The following TSHZ2 variants were observed in gnomAD, a reference collection of about 807,000 sequenced individuals.
TSHZ2 encodes teashirt zinc finger homeobox 2.
TSHZ2 carries 21 observed loss-of-function variants against 74.4 expected under a neutral mutation model. The observed-to-expected ratio is 0.28, with a 90% CI of 0.20 to 0.41. The LOEUF (loss-of-function observed/expected upper bound fraction) is 0.41. TSHZ2 is among the 10% of genes least tolerant of loss of function. The probability of loss-of-function intolerance (pLI) is 1.00; values close to 1 mark genes in which losing one functional copy is unlikely to be tolerated. For missense variants in TSHZ2, 1,244 were observed against 1,293.5 expected (o/e 0.96, Z 0.59); for synonymous variants, 540 against 515.3 (o/e 1.05, Z -0.65).
chr20:53,010,479 G>C (rs956980886), intron 1 of TSHZ2, among the ~76,000 whole-genome samples: 1 of 152,128 alleles, frequency 6.6e-6, no homozygotes, highest in African/African-American at 2.4e-5. Flanking sequence ...GTTAGAACCA[G>C]CTGGATGCAA....
intron 2 of TSHZ2, among the ~76,000 whole-genome samples, chr20:53,353,268 G>A (rs1980725756): frequency 1.3e-5 from 2 of 152,170 alleles, no homozygotes; most frequent in Admixed American, 1.3e-4. Flanking sequence ...CTGAGAGTGT[G>A]AGCGGGTTGC....
At chr20:52,999,349 T>C (rs569511842) in intron 1 of TSHZ2, among the ~76,000 whole-genome samples, 5 of 152,210 alleles carry the variant, frequency 3.3e-5, no homozygotes, top group African/African-American at 9.6e-5. Context: ...TAAGATGCCA[T>C]GTGGTTAAAA....
Position 53,048,227 on chromosome 20 carries a change from C to A in TSHZ2, c.40+74894C>A, listed in dbSNP as rs557656857. Among the ~76,000 whole-genome samples the A allele has an allele frequency of 2.0e-5, 3 of 152,290 alleles. No homozygotes were observed. In the East Asian group the frequency reaches 5.8e-4, roughly 29 times the overall value. On this transcript the variant is annotated intron_variant, in intron 1 of 2. Transcript: ENST00000371497. ...GACAGCCCAGGACCCATTCTGACTT[C>A]TGGCCTTTCCCGTTGTTCTTTGATC...
intron 1 of TSHZ2, among the ~76,000 whole-genome samples, chr20:53,014,248 C>G (rs993226877): frequency 5.9e-4 from 89 of 152,064 alleles, no homozygotes; most frequent in African/African-American, 2.1e-3. Context: ...ATCCTCATGT[C>G]TCTTCTTACA....
At chr20:53,306,106 G>C (rs529650739) in intron 2 of TSHZ2, among the ~76,000 whole-genome samples, 21 of 152,238 alleles carry the variant, frequency 1.4e-4, no homozygotes, top group Middle Eastern at 3.4e-3. Flanking sequence ...CACTCATCTT[G>C]GGGTCTCCAT....
chr20:53,129,884 A>AG (rs1430413882), intron 1 of TSHZ2, among the ~76,000 whole-genome samples: 1 of 151,792 alleles, frequency 6.6e-6, no homozygotes, highest in Non-Finnish European at 1.5e-5. Context: ...CTGATTCACC[A>AG]GGTCCTGCTT....
chr20:53,064,297 C>T (rs1024677974), intron 1 of TSHZ2, among the ~76,000 whole-genome samples: 4 of 152,144 alleles, frequency 2.6e-5, no homozygotes, highest in Non-Finnish European at 4.4e-5. Context: ...CGCCAGAACC[C>T]GGACACCTCT....
Position 53,254,646 on chromosome 20 carries a change from C to G in TSHZ2, c.1188C>G (p.Thr396=), listed in dbSNP as rs778040743. ...CCCATGACACCTTGCAGCAGCTCAC[C>G]ACCCACATGATGGTCACAGGTCACT... is the stretch of plus-strand genomic sequence containing the variant. ...GSSHDTLQQL[T]THMMVTGHFL... is the part of the protein sequence containing the mutation. Residue 396 remains threonine, a synonymous_variant, in exon 2 of 3, where the codon ACC becomes ACG. Transcript: ENST00000371497. 7 of 1,614,036 alleles carry G rather than the reference C, an allele frequency of 4.3e-6. No homozygotes were observed. The Admixed American group carries it at 1.0e-4, about 23-fold the overall frequency.
intron 2 of TSHZ2, among the ~76,000 whole-genome samples, chr20:53,435,952 C>T (rs375957529): frequency 6.6e-6 from 1 of 152,216 alleles, no homozygotes; most frequent in East Asian, 1.9e-4. Context: ...TGATAATACC[C>T]CAACCTCACA....
intron 1 of TSHZ2, among the ~76,000 whole-genome samples, chr20:53,164,944 G>T (rs1273760388): frequency 6.6e-6 from 1 of 152,194 alleles, no homozygotes; most frequent in Admixed American, 6.5e-5. Flanking sequence ...TGAGATGCAA[G>T]GATCCTTGAT....
At chr20:53,361,898 T>C (rs535551208) in intron 2 of TSHZ2, among the ~76,000 whole-genome samples, 2 of 138,368 alleles carry the variant, frequency 1.4e-5, no homozygotes, top group East Asian at 4.2e-4. Flanking sequence ...GTTGTTGTTG[T>C]TTGTGTTGTT....
chr20:53,086,757 G>T (rs909570875), intron 1 of TSHZ2, among the ~76,000 whole-genome samples: 1 of 152,120 alleles, frequency 6.6e-6, no homozygotes, highest in African/African-American at 2.4e-5. Context: ...TGCTGAGATG[G>T]CATGCACCAT....
intron 1 of TSHZ2, among the ~76,000 whole-genome samples, chr20:52,977,837 C>T (rs1333499085): frequency 6.6e-6 from 1 of 152,126 alleles, no homozygotes; most frequent in Non-Finnish European, 1.5e-5. Flanking sequence ...GCAGGGGCTC[C>T]GGGAAACTTC....
chr20:53,129,966 C>T (rs532227402), intron 1 of TSHZ2, among the ~76,000 whole-genome samples: 10 of 151,928 alleles, frequency 6.6e-5, no homozygotes, highest in Non-Finnish European at 1.3e-4. Context: ...GTTTTCCTCT[C>T]GGAATGGTAG....
At chr20:53,324,827 G>T (rs1979426019) in intron 2 of TSHZ2, among the ~76,000 whole-genome samples, 1 of 152,312 alleles carries the variant, frequency 6.6e-6, no homozygotes, top group Middle Eastern at 3.4e-3. Context: ...TAGATCAAGA[G>T]CACCCGGGAT....
chr20:53,176,425 C>A (rs1015225406), intron 1 of TSHZ2, among the ~76,000 whole-genome samples: 1 of 152,074 alleles, frequency 6.6e-6, no homozygotes, highest in African/African-American at 2.4e-5. Context: ...AGGGAGCCAG[C>A]GGGTAGGTTT....
intron 2 of TSHZ2, among the ~76,000 whole-genome samples, chr20:53,271,531 G>A (rs1461978085): frequency 2.0e-5 from 3 of 152,164 alleles, no homozygotes; most frequent in Admixed American, 1.3e-4. Flanking sequence ...TGCCCATCAC[G>A]GAAGGAAGAC....
rs143724013 is a variant in TSHZ2 at position 53,469,045 on chromosome 20, TTATATATATATATATATATATATA to T, written c.*9-18083_*9-18060del. ...ACCTAAAGGCTCTGAAATCGATATT[TTATATATATATATATATATATATA>T]TATATATATATATATGTACATATTC... On this transcript the variant is annotated intron_variant, in intron 2 of 2. Coordinates refer to ENST00000371497, the MANE Select transcript of TSHZ2 (RefSeq NM_173485.6). Among the ~76,000 whole-genome samples, 408 of 49,136 alleles carry T rather than the reference TTATATATATATATATATATATATA, an allele frequency of 8.3e-3. 8 individuals carry two copies. The highest frequency in any genetic ancestry group is 0.021 in the African/African-American group (361 of 17,242). The allele number at this position is 49,136 out of a possible 152,430, so 32.2% of individuals were successfully genotyped here.
At chr20:53,143,350 T>C (rs887269454) in intron 1 of TSHZ2, among the ~76,000 whole-genome samples, 3 of 152,184 alleles carry the variant, frequency 2.0e-5, no homozygotes, top group Admixed American at 6.5e-5. Flanking sequence ...GCTATGATTT[T>C]CTGTTGGGCC....
Sources: gnomAD v4.1 joint callset for allele counts (sites outside exome capture counted in the v4.1 genomes callset) on GRCh38, gnomAD v4.1.1 for gene constraint, MANE v1.5 for transcripts, NCBI Gene and HGNC (gene_info 2026-07-23, HGNC 2026-07-21) for gene names.